Variants in CNTNAP5 observed in about 807,000 individuals in gnomAD.
CNTNAP5 encodes the protein contactin associated protein family member 5, also known as contactin-associated protein-like 5.
Under a neutral mutation model 150.2 loss-of-function variants are expected in CNTNAP5, and 72 were observed. That is an observed-to-expected ratio of 0.48 (90% CI 0.40 to 0.58). The LOEUF is 0.58. Ranked by LOEUF, CNTNAP5 falls within the 20% of genes least tolerant of loss-of-function variation. The pLI is 0.00. For missense variants in CNTNAP5, 1,636 were observed against 1,626.2 expected (o/e 1.01, Z -0.10); for synonymous variants, 672 against 619.8 (o/e 1.08, Z -1.25).
At chr2:124,040,889 T>A (rs1346896454) in intron 1 of CNTNAP5, among the ~76,000 whole-genome samples, 2 of 152,210 alleles carry the variant, frequency 1.3e-5, no homozygotes, top group African/African-American at 4.8e-5. Context: ...GTTGCTGTAT[T>A]TTGTTGTATA....
At chr2:124,247,486 T>G (rs1378613790) in intron 3 of CNTNAP5, among the ~76,000 whole-genome samples, 1 of 152,082 alleles carries the variant, frequency 6.6e-6, no homozygotes, top group Non-Finnish European at 1.5e-5. Context: ...TATATGAATG[T>G]GAGGGGCTTA....
intron 1 of CNTNAP5, among the ~76,000 whole-genome samples, chr2:124,084,939 T>TTTTTTTTTTTA (rs57377130): frequency 6.8e-6 from 1 of 146,424 alleles, no homozygotes. Context: ...TTTTTTTTTT[T>TTTTTTTTTTTA]GAGACGGAGT....
At chr2:124,247,204 A>C (rs956364544) in intron 3 of CNTNAP5, among the ~76,000 whole-genome samples, 1 of 152,096 alleles carries the variant, frequency 6.6e-6, no homozygotes, top group Non-Finnish European at 1.5e-5. Flanking sequence ...TCACTGTTTG[A>C]TATAGTATTT....
At chr2:124,340,563 T>C (rs967715286) in intron 3 of CNTNAP5, among the ~76,000 whole-genome samples, 2 of 151,966 alleles carry the variant, frequency 1.3e-5, no homozygotes, top group African/African-American at 4.8e-5. Flanking sequence ...AGGGTAGAAC[T>C]TCACTGTGAA....
chr2:124,061,007 G>T (rs1035146114), intron 1 of CNTNAP5, among the ~76,000 whole-genome samples: 3 of 152,134 alleles, frequency 2.0e-5, no homozygotes, highest in Non-Finnish European at 4.4e-5. Context: ...GGCTGCCAGT[G>T]CCATTTACTG....
At chr2:124,110,106 G>A (rs1683260801) in intron 1 of CNTNAP5, among the ~76,000 whole-genome samples, 1 of 152,164 alleles carries the variant, frequency 6.6e-6, no homozygotes, top group African/African-American at 2.4e-5. Flanking sequence ...TGCTTCAGGA[G>A]GTCCAATCAT....
chr2:124,762,063 G>A (rs1377311471), intron 14 of CNTNAP5, among the ~76,000 whole-genome samples: 1 of 152,032 alleles, frequency 6.6e-6, no homozygotes, highest in Non-Finnish European at 1.5e-5. Context: ...TTCCACTTCG[G>A]CTGTTTGGAA....
At chr2:124,063,207 G>A (rs1458949097) in intron 1 of CNTNAP5, among the ~76,000 whole-genome samples, 1 of 151,894 alleles carries the variant, frequency 6.6e-6, no homozygotes, top group Admixed American at 6.6e-5. Context: ...TAATTTATGA[G>A]CAGGTAACAA....
At chr2:124,865,768 A>AC (rs1320078417) in intron 20 of CNTNAP5, among the ~76,000 whole-genome samples, 1 of 151,622 alleles carries the variant, frequency 6.6e-6, no homozygotes, top group Admixed American at 6.6e-5. Context: ...AAATAGTGAA[A>AC]CCCCATCTCT....
chr2:124,894,595 C>T lies in CNTNAP5; in HGVS notation c.3437-8287C>T, dbSNP rs190100413. 5.1e-4 allele frequency among the ~76,000 whole-genome samples: 77 copies of T among 150,386 alleles called. 2 individuals are homozygous for T. Among genetic ancestry groups the T allele is most frequent in the African/African-American group, 1.6e-3 (65 of 40,304 alleles). ...TTAAGACAAAATCTTGCTCTGTCAC[C>T]GAGGTGGGAATGCAATGGCCTGACG... On this transcript the variant is annotated intron_variant, in intron 21 of 23. Transcript: ENST00000682447.
chr2:124,313,493 T>A (rs2104660208), intron 3 of CNTNAP5, among the ~76,000 whole-genome samples: 1 of 152,354 alleles, frequency 6.6e-6, no homozygotes, highest in African/African-American at 2.4e-5. Flanking sequence ...GGCACTATTT[T>A]TGTTCACAGA....
intron 1 of CNTNAP5, among the ~76,000 whole-genome samples, chr2:124,037,812 G>C (rs1681265589): frequency 6.6e-6 from 1 of 152,122 alleles, no homozygotes; most frequent in Non-Finnish European, 1.5e-5. Context: ...CTTGAGAATT[G>C]CTGAGAGTAA....
intron 3 of CNTNAP5, among the ~76,000 whole-genome samples, chr2:124,250,307 G>GT: frequency 6.6e-6 from 1 of 152,240 alleles, no homozygotes; most frequent in African/African-American, 2.4e-5. Context: ...GGTGCTCCTG[G>GT]TTGGGGACCT....
chr2:124,078,411 G>C (rs1055953312), intron 1 of CNTNAP5, among the ~76,000 whole-genome samples: 18 of 152,126 alleles, frequency 1.2e-4, no homozygotes, highest in African/African-American at 4.3e-4. Context: ...AATAATTCTG[G>C]GTTGAAGTCT....
chr2:124,221,405 T>C (rs1289439134), intron 1 of CNTNAP5, among the ~76,000 whole-genome samples: 1 of 152,096 alleles, frequency 6.6e-6, no homozygotes, highest in African/African-American at 2.4e-5. Context: ...AGTTGGGTTT[T>C]TGAGTCAGAC....
chr2:124,644,127 A>G (rs1393328427), intron 12 of CNTNAP5, among the ~76,000 whole-genome samples: 1 of 152,198 alleles, frequency 6.6e-6, no homozygotes, highest in East Asian at 1.9e-4. Context: ...TTAAAAGAGA[A>G]TCTCCACCTC....
At chr2:124,671,269 C>G (rs781231037) in intron 13 of CNTNAP5, among the ~76,000 whole-genome samples, 8 of 152,118 alleles carry the variant, frequency 5.3e-5, no homozygotes, top group Non-Finnish European at 1.0e-4. Context: ...CCAAGACAAT[C>G]CTGATTTAAA....
chr2:124,589,190 T>A (rs1173177817), intron 11 of CNTNAP5, among the ~76,000 whole-genome samples: 1 of 152,048 alleles, frequency 6.6e-6, no homozygotes, highest in Non-Finnish European at 1.5e-5. Context: ...TCATTCCTCA[T>A]CTCCCCTCCA....
chr2:124,475,727 C>T (rs189076449), intron 7 of CNTNAP5, among the ~76,000 whole-genome samples: 30 of 152,168 alleles, frequency 2.0e-4, no homozygotes, highest in Admixed American at 3.9e-4. Context: ...CTATAAAGGT[C>T]TTTGTCATGT....
Sources: gnomAD v4.1 joint callset for allele counts (sites outside exome capture counted in the v4.1 genomes callset) on GRCh38, gnomAD v4.1.1 for gene constraint, MANE v1.5 for transcripts, NCBI Gene and HGNC (gene_info 2026-07-23, HGNC 2026-07-21) for gene names.